Variants in PKP4 observed in about 807,000 individuals in gnomAD.
PKP4 encodes the protein plakophilin 4, also known as plakophilin-4.
Under a neutral mutation model 145.1 loss-of-function variants are expected in PKP4, and 90 were observed. The ratio of observed to expected loss-of-function variants is 0.62; its 90% CI spans 0.52 to 0.74. The LOEUF is 0.74. PKP4 is among the 30% of genes least tolerant of loss of function. The probability of loss-of-function intolerance (pLI) is 0.00; values close to 1 mark genes in which losing one functional copy is unlikely to be tolerated. For synonymous variants in PKP4, 563 were observed against 577.2 expected (o/e 0.98, Z 0.35); for missense variants, 1,340 against 1,482.7 (o/e 0.90, Z 1.58).
intron 3 of PKP4, among the ~76,000 whole-genome samples, chr2:158,584,004 G>A (rs553398105): frequency 2.0e-5 from 3 of 152,252 alleles, no homozygotes; most frequent in African/African-American, 4.8e-5. Flanking sequence ...CCCAACAAGC[G>A]TTACATGACG....
intron 1 of PKP4, among the ~76,000 whole-genome samples, chr2:158,497,343 C>T (rs554027205): frequency 6.6e-6 from 1 of 152,242 alleles, no homozygotes; most frequent in South Asian, 2.1e-4. Context: ...CTGCCTTTTC[C>T]TCTTGGTTCT....
At chr2:158,549,926 C>A (rs1183722964) in intron 2 of PKP4, among the ~76,000 whole-genome samples, 1 of 152,090 alleles carries the variant, frequency 6.6e-6, no homozygotes, top group Admixed American at 6.5e-5. Flanking sequence ...CTAATAAATG[C>A]ATGGTTGTAG....
intron 1 of PKP4, among the ~76,000 whole-genome samples, chr2:158,518,248 A>T (rs759168534): frequency 1.2e-4 from 19 of 152,226 alleles, no homozygotes; most frequent in Non-Finnish European, 2.1e-4. Flanking sequence ...CTGTGTGTCC[A>T]TAGCGTCTTT....
intron 15 of PKP4, among the ~76,000 whole-genome samples, chr2:158,664,070 G>C (rs1026399997): frequency 6.6e-6 from 1 of 152,248 alleles, no homozygotes; most frequent in African/African-American, 2.4e-5. Context: ...ACTACCGAAA[G>C]AGTCTGGGCA....
chr2:158,663,539 C>T, intron 15 of PKP4, 94 bp downstream of exon 15: 1 of 1,124,002 alleles, frequency 8.9e-7, no homozygotes, highest in East Asian at 2.4e-5. Context: ...CAGATCAGCC[C>T]TGATGGTGAA....
intron 1 of PKP4, among the ~76,000 whole-genome samples, chr2:158,488,225 G>A (rs1298217804): frequency 3.3e-5 from 5 of 152,212 alleles, no homozygotes; most frequent in African/African-American, 1.2e-4. Context: ...TCTAGGTAGT[G>A]TATGAAAGTT....
intron 3 of PKP4, among the ~76,000 whole-genome samples, chr2:158,580,062 G>A (rs772634591): frequency 1.1e-4 from 17 of 152,136 alleles, no homozygotes; most frequent in Admixed American, 1.1e-3. Flanking sequence ...TTTTATTCAA[G>A]AGCCATCTGG....
At chr2:158,572,201 A>G (rs2047465190) in intron 2 of PKP4, among the ~76,000 whole-genome samples, 1 of 152,198 alleles carries the variant, frequency 6.6e-6, no homozygotes, top group Admixed American at 6.5e-5. Context: ...GAGATAAACC[A>G]TAAACAAGAC....
chr2:158,597,469 T>C (rs2049852857), intron 3 of PKP4, among the ~76,000 whole-genome samples: 1 of 152,154 alleles, frequency 6.6e-6, no homozygotes, highest in African/African-American at 2.4e-5. Flanking sequence ...GGTAAACAAA[T>C]ACTATGGTTA....
At chr2:158,531,683 A>G (rs561951930) in intron 1 of PKP4, among the ~76,000 whole-genome samples, 1 of 152,310 alleles carries the variant, frequency 6.6e-6, no homozygotes, top group South Asian at 2.1e-4. Flanking sequence ...TGAGGAAGTG[A>G]GGCTCAGCAA....
intron 10 of PKP4, among the ~76,000 whole-genome samples, chr2:158,641,923 C>T (rs2054319428): frequency 6.6e-6 from 1 of 152,106 alleles, no homozygotes; most frequent in Non-Finnish European, 1.5e-5. Context: ...ACTGTGCTGC[C>T]TGCCGATGGA....
chr2:158,479,690 G>C (rs1693044559), intron 1 of PKP4, among the ~76,000 whole-genome samples: 1 of 152,070 alleles, frequency 6.6e-6, no homozygotes, highest in Non-Finnish European at 1.5e-5. Flanking sequence ...AATAGCAACT[G>C]TATTAAGGAA....
chr2:158,598,041 G>C (rs548091894), intron 3 of PKP4, among the ~76,000 whole-genome samples: 1 of 152,040 alleles, frequency 6.6e-6, no homozygotes, highest in Non-Finnish European at 1.5e-5. Flanking sequence ...GCCCCGGCTG[G>C]TCTCAAACAT....
chr2:158,577,169 A>T, intron 2 of PKP4, 102 bp from the exon 3 acceptor site: 1 of 644,460 alleles, frequency 1.6e-6, no homozygotes, highest in Non-Finnish European at 2.7e-6. Flanking sequence ...GCTTTATGTT[A>T]TGGGTACGTT....
rs763844546 is a variant in PKP4 at position 158,678,633 on chromosome 2, A to G, written c.3309A>G (p.Arg1103=). 1 of 1,602,610 alleles carries G rather than the reference A, an allele frequency of 6.2e-7. No individual in the cohort carries two copies. Among genetic ancestry groups the G allele is most frequent in the Non-Finnish European group, 8.6e-7 (1 of 1,169,434 alleles). ...IYISSYSSPA[R]EQNRRLQHQQ... is the part of the protein sequence containing the mutation. ...TCAGTTCCTATTCCTCACCAGCAAGAGAACAAAATAGACGGCTACAGGTGA... is the reference window on the plus strand; with the variant it reads ...TCAGTTCCTATTCCTCACCAGCAAGGGAACAAAATAGACGGCTACAGGTGA... The change falls in exon 21 of 22, where the codon AGA becomes AGG. Residue 1103 remains arginine (R), a synonymous_variant. Transcript: ENST00000389759.
intron 11 of PKP4, among the ~76,000 whole-genome samples, chr2:158,643,208 C>T (rs1458134700): frequency 1.3e-5 from 2 of 152,016 alleles, no homozygotes; most frequent in Non-Finnish European, 2.9e-5. Context: ...GTTTTGTGAG[C>T]GTCAGGGAAA....
chr2:158,630,725 C>A (rs868526474), intron 7 of PKP4, among the ~76,000 whole-genome samples: 1 of 152,014 alleles, frequency 6.6e-6, no homozygotes, highest in Non-Finnish European at 1.5e-5. Flanking sequence ...CTGGCAGGTC[C>A]GCAGGATAGG....
At chr2:158,563,665 AC>A (rs754475510) in intron 2 of PKP4, among the ~76,000 whole-genome samples, 1 of 151,942 alleles carries the variant, frequency 6.6e-6, no homozygotes, top group African/African-American at 2.4e-5. Context: ...GTATATCACA[AC>A]CTCAGCATTG....
rs58530352 is a variant in PKP4, at chr2:158,523,258, T to C, written c.-5-9922T>C. Among the ~76,000 whole-genome samples the C allele has an allele frequency of 2.1e-5, 3 of 145,664 alleles. No homozygotes were observed. In the East Asian group the frequency reaches 6.1e-4, roughly 30 times the overall value. ...CTGACAGCTTTGAAGAGAGCAGTGG[T>C]TCTCCCAGCACGCAGATGGAGATCT... On this transcript the variant is annotated intron_variant, in intron 1 of 21. Transcript: ENST00000389759.
Sources: gnomAD v4.1 joint callset for allele counts (sites outside exome capture counted in the v4.1 genomes callset) on GRCh38, gnomAD v4.1.1 for gene constraint, MANE v1.5 for transcripts, NCBI Gene and HGNC (gene_info 2026-07-23, HGNC 2026-07-21) for gene names.